Variants in C2CD3 observed in about 807,000 individuals in gnomAD.
C2CD3 encodes the protein C2 domain containing 3 centriole elongation regulator.
Under a neutral mutation model 234.0 loss-of-function variants are expected in C2CD3, and 148 were observed. The ratio of observed to expected loss-of-function variants is 0.63; its 90% CI spans 0.55 to 0.72. The LOEUF is 0.72. Ranked by LOEUF, C2CD3 falls within the 30% of genes least tolerant of loss-of-function variation. The pLI, the probability that C2CD3 is intolerant of heterozygous loss-of-function variation, is 0.00. For missense variants in C2CD3, 2,577 were observed against 2,811.5 expected (o/e 0.92, Z 1.89); for synonymous variants, 1,000 against 1,035.4 (o/e 0.97, Z 0.66).
chr11:74,025,633 C>G (rs1329226598), intron 32 of C2CD3, among the ~76,000 whole-genome samples: 1 of 152,016 alleles, frequency 6.6e-6, no homozygotes, highest in African/African-American at 2.4e-5. Flanking sequence ...GACAGTTCAT[C>G]CAAGACTCAG....
Position 74,072,293 on chromosome 11 carries a change from T to G in C2CD3, c.4951+1960A>C, listed in dbSNP as rs191776704. ...AACATCAAGGATCATTATGGAAGCTTATAATCCCAGGAGTAATGGCTGTTG... is the reference window on the plus strand; with the variant it reads ...AACATCAAGGATCATTATGGAAGCTGATAATCCCAGGAGTAATGGCTGTTG... On this transcript the variant is annotated intron_variant, in intron 24 of 32. Transcript: ENST00000334126. 3.2e-3 allele frequency among the ~76,000 whole-genome samples: 492 copies of G among 152,304 alleles called. 3 individuals carry two copies. In the Middle Eastern group the frequency reaches 0.034, roughly 11 times the overall value.
At chr11:74,055,144 G>C (rs1480348722) in intron 25 of C2CD3, among the ~76,000 whole-genome samples, 2 of 152,166 alleles carry the variant, frequency 1.3e-5, no homozygotes, top group Admixed American at 1.3e-4. Context: ...CTATAACATG[G>C]ACATTATTAT....
Position 74,092,432 on chromosome 11 carries a change from C to G in C2CD3, c.3501G>C (p.Leu1167Phe). 1 of 1,613,512 alleles carries G rather than the reference C, an allele frequency of 6.2e-7. No homozygotes were observed. Among genetic ancestry groups the G allele is most frequent in the Non-Finnish European group, 8.5e-7 (1 of 1,179,698 alleles). Residue 1167 changes from leucine to phenylalanine, a missense_variant, in exon 19 of 33, where the codon TTG (leucine) becomes TTC (phenylalanine). Leu to Phe is a conservative substitution (Grantham distance 22, BLOSUM62 0). Transcript: ENST00000334126. ...TTCAATTACCTGATGACTGGTTCCTCAATTCTTTCCTGTTCTCAATCCTGG... is the reference window on the plus strand; with the variant it reads ...TTCAATTACCTGATGACTGGTTCCTGAATTCTTTCCTGTTCTCAATCCTGG... ...LTPRIENRKE[L>F]RNQSSGLLDV... is the part of the protein sequence containing the mutation.
rs549973500 is a variant in C2CD3 at position 74,069,352 on chromosome 11, GC to G, written c.4951+4900del. The stretch of plus-strand genomic sequence containing the variant: ...AAGTTCTGAAATACTTTTGGAAGCA[GC>G]CCAAAAGAAGGCTGCTATACCCCCC... On this transcript the variant is annotated intron_variant, in intron 24 of 32. Coordinates refer to ENST00000334126, the MANE Select transcript of C2CD3 (RefSeq NM_001286577.2). 2.2e-4 allele frequency among the ~76,000 whole-genome samples: 34 copies of G among 152,314 alleles called. No individual in the cohort carries two copies. In the East Asian group the frequency reaches 6.4e-3, roughly 29 times the overall value.
chr11:74,085,498 G>T, intron 21 of C2CD3, 120 bp downstream of exon 21: 1 of 961,598 alleles, frequency 1.0e-6, no homozygotes, highest in Non-Finnish European at 1.6e-6. Context: ...TCAGAAATAA[G>T]TTGCAGAGAT....
At chr11:74,084,738 G>A in intron 22 of C2CD3, 143 bp downstream of exon 22, 1 of 487,088 alleles carries the variant, frequency 2.1e-6, no homozygotes, top group Non-Finnish European at 3.7e-6. Flanking sequence ...AAACATTTGA[G>A]GTATTGGAGA....
chr11:74,145,497 T>C (rs10898959), intron 3 of C2CD3, among the ~76,000 whole-genome samples: 43,052 of 152,048 alleles, frequency 0.28, 7,103 homozygotes, highest in African/African-American at 0.46. Context: ...ATATTTTCTC[T>C]TATTCTGTAG....
At chr11:74,085,053 C>T in intron 21 of C2CD3, 83 bp from the exon 22 acceptor site, 2 of 702,292 alleles carry the variant, frequency 2.8e-6, no homozygotes, top group Non-Finnish European at 5.1e-6. Context: ...CACAACCCTC[C>T]CCTTATATGC....
intron 3 of C2CD3, among the ~76,000 whole-genome samples, chr11:74,150,456 C>T (rs1005030990): frequency 2.2e-5 from 3 of 137,016 alleles, no homozygotes; most frequent in Non-Finnish European, 3.0e-5. Flanking sequence ...CCACCGCACT[C>T]CAGCCTGGGC....
chr11:74,144,481 A>C (rs969264329), intron 3 of C2CD3, among the ~76,000 whole-genome samples: 3 of 152,166 alleles, frequency 2.0e-5, no homozygotes, highest in Non-Finnish European at 4.4e-5. Flanking sequence ...TTCGGGGTAC[A>C]TGTGCAGATT....
rs1266670943 is a variant in C2CD3 at position 74,013,274 on chromosome 11, T to G, written c.*111A>C. 2.3e-6 allele frequency: 1 copy of G among 430,540 alleles called. No homozygotes were observed. Among genetic ancestry groups the G allele is most frequent in the African/African-American group, 2.0e-5 (1 of 48,858 alleles). 26.7% of individuals were successfully genotyped at this position (430,540 alleles called of 1,614,324 possible). On this transcript the variant is annotated 3_prime_UTR_variant, in exon 33 of 33. Coordinates refer to ENST00000334126, the MANE Select transcript of C2CD3 (RefSeq NM_001286577.2). ...CATCCGTGGCCTAGGCAAGTGGTGG[T>G]TTCAGGACTGTGACAGCCCTGAAGG... is the stretch of plus-strand genomic sequence containing the variant.
chr11:74,106,641 T>C, intron 12 of C2CD3, 148 bp from the exon 13 acceptor site: 1 of 691,148 alleles, frequency 1.4e-6, no homozygotes, highest in Non-Finnish European at 2.3e-6. Flanking sequence ...AGATCCCACT[T>C]TGTCATATTT....
intron 25 of C2CD3, 152 bp from the exon 26 acceptor site, chr11:74,054,823 CAGTTA>C (rs1953881203): frequency 1.8e-6 from 1 of 540,892 alleles, no homozygotes; most frequent in Admixed American, 3.7e-5. Flanking sequence ...TTTATCTTCA[CAGTTA>C]AAATGAGGGG....
In C2CD3 at chr11:74,040,894, T is replaced by TCACACACACACACGCACA. The variant is rs1238309776; in HGVS notation, c.5660+1142_5660+1159dup. On this transcript the variant is annotated intron_variant, in intron 29 of 32. Transcript: ENST00000334126. ...GGGCAGCATAGGAAGCCTTTATCTATCACACACACACACGCACACACACAC... is the reference window on the plus strand; with the variant it reads ...GGGCAGCATAGGAAGCCTTTATCTATCACACACACACACGCACACACACACACACACGCACACACACAC... 4.0e-5 allele frequency among the ~76,000 whole-genome samples: 6 copies of TCACACACACACACGCACA among 148,824 alleles called. No individual in the cohort carries two copies. The South Asian group carries it at 8.5e-4, about 21-fold the overall frequency.
In C2CD3 at chr11:74,076,862, C is replaced by T. The variant is rs570803323; in HGVS notation, c.4603+1253G>A. Reference sequence around the variant, plus strand: ...TGCTATCCTTAGAGGTGTCATGTCCCTGTGTTCCCATAGCACCAAGAATAC... The same window carrying T: ...TGCTATCCTTAGAGGTGTCATGTCCTTGTGTTCCCATAGCACCAAGAATAC... On this transcript the variant is annotated intron_variant, in intron 23 of 32. Coordinates refer to ENST00000334126, the MANE Select transcript of C2CD3 (RefSeq NM_001286577.2). 1.2e-4 allele frequency among the ~76,000 whole-genome samples: 18 copies of T among 152,236 alleles called. No homozygotes were observed. In the East Asian group the frequency reaches 2.9e-3, roughly 24 times the overall value.
At chr11:74,137,350 C>T (rs1421298564) in intron 5 of C2CD3, among the ~76,000 whole-genome samples, 2 of 151,842 alleles carry the variant, frequency 1.3e-5, no homozygotes, top group East Asian at 1.9e-4. Flanking sequence ...CCTAGAAGAG[C>T]GCCAGACATT....
intron 5 of C2CD3, among the ~76,000 whole-genome samples, chr11:74,134,442 G>C (rs1565333131): frequency 6.6e-6 from 1 of 152,196 alleles, no homozygotes; most frequent in Non-Finnish European, 1.5e-5. Context: ...CTTGAGTCTA[G>C]GAGTTTGAGG....
At chr11:74,044,731 T>C (rs1477816195) in intron 28 of C2CD3, among the ~76,000 whole-genome samples, 1 of 152,144 alleles carries the variant, frequency 6.6e-6, no homozygotes, top group Admixed American at 6.5e-5. Context: ...TAGTAGTCCC[T>C]AGTTTCTTTT....
At chr11:74,123,173 A>G (rs374821644) in intron 7 of C2CD3, 38 bp from the exon 8 acceptor site, 66 of 1,523,694 alleles carry the variant, frequency 4.3e-5, no homozygotes, top group Non-Finnish European at 6.0e-5. Context: ...GAATTTTAAT[A>G]GAAGTTTCAG....
Sources: gnomAD v4.1 joint callset for allele counts (sites outside exome capture counted in the v4.1 genomes callset) on GRCh38, gnomAD v4.1.1 for gene constraint, MANE v1.5 for transcripts, NCBI Gene and HGNC (gene_info 2026-07-23, HGNC 2026-07-21) for gene names.